Variants in C10orf143 observed in about 807,000 individuals in gnomAD.
The protein encoded by C10orf143 is uncharacterized protein C10orf143.
chr10:130,044,049 G>A (rs1323664313), intron 3 of C10orf143, among the ~76,000 whole-genome samples: 2 of 152,186 alleles, frequency 1.3e-5, no homozygotes, highest in African/African-American at 4.8e-5. Flanking sequence ...GGAAGGGAGA[G>A]GGAGAGAGAG....
At chr10:130,102,363 CTCTGCCTCCAGTGGT>C (rs111511114) in intron 1 of C10orf143, among the ~76,000 whole-genome samples, 6 of 152,304 alleles carry the variant, frequency 3.9e-5, no homozygotes, top group African/African-American at 1.4e-4. Context: ...TCACAGCAAC[CTCTGCCTCCAGTGGT>C]TCTCCCACCT....
intron 3 of C10orf143, among the ~76,000 whole-genome samples, chr10:130,048,647 T>C (rs1280939812): frequency 6.6e-6 from 1 of 152,122 alleles, no homozygotes. Context: ...CTCCAGATAC[T>C]CTGGTGCACC....
chr10:130,064,133 G>C lies in C10orf143; in HGVS notation c.*221C>G. ...GGCTGTAGTACGTAGTAAGGATTTG[G>C]GGGCTCTTTTGAAGTGATGTGGATT... On this transcript the variant is annotated 3_prime_UTR_variant, in exon 4 of 4. Transcript: ENST00000637128. 5.2e-6 allele frequency: 2 copies of C among 381,180 alleles called. No individual in the cohort carries two copies. Among genetic ancestry groups the C allele is most frequent in the Non-Finnish European group, 9.3e-6 (2 of 215,994 alleles). The allele number at this position is 381,180 out of a possible 1,614,324, so 23.6% of individuals were successfully genotyped here.
In C10orf143 at chr10:130,071,243, ATCT is replaced by A. The variant is rs1861028205; in HGVS notation, c.298-6863_298-6861del. The stretch of plus-strand genomic sequence containing the variant: ...TACTAGGGTATACACCTAGGACCAT[ATCT>A]TCTAGCTTACCAGAAATGCCCACCA... On this transcript the variant is annotated intron_variant, in intron 3 of 3. Coordinates refer to ENST00000637128, the MANE Select transcript of C10orf143 (RefSeq NM_001355042.2). 2.0e-5 allele frequency among the ~76,000 whole-genome samples: 3 copies of A among 152,318 alleles called. No individual in the cohort carries two copies. In the South Asian group the frequency reaches 6.2e-4, roughly 32 times the overall value.
At chr10:130,045,517 GC>G (rs1037525489) in intron 3 of C10orf143, among the ~76,000 whole-genome samples, 2 of 152,178 alleles carry the variant, frequency 1.3e-5, no homozygotes, top group African/African-American at 2.4e-5. Flanking sequence ...CCCCCAGGAC[GC>G]CCCCCGCGAG....
chr10:130,080,382 C>T (rs1861186873), intron 1 of C10orf143, among the ~76,000 whole-genome samples: 1 of 152,224 alleles, frequency 6.6e-6, no homozygotes, highest in Non-Finnish European at 1.5e-5. Context: ...CAGTCCATAA[C>T]TGATAACCTT....
intron 1 of C10orf143, among the ~76,000 whole-genome samples, chr10:130,093,116 T>C (rs1051079794): frequency 6.6e-6 from 1 of 152,190 alleles, no homozygotes; most frequent in Non-Finnish European, 1.5e-5. Flanking sequence ...AGAATACACA[T>C]TCTTCTCAGC....
chr10:130,094,222 AG>A (rs1262674562), intron 1 of C10orf143, among the ~76,000 whole-genome samples: 1 of 152,160 alleles, frequency 6.6e-6, no homozygotes. Context: ...TCTGAAATTA[AG>A]GCAGTAATTA....
chr10:130,084,726 C>T (rs1861264106), intron 1 of C10orf143, among the ~76,000 whole-genome samples: 2 of 152,022 alleles, frequency 1.3e-5, no homozygotes, highest in South Asian at 2.1e-4. Context: ...ATCCTAGTAG[C>T]AAGATTACAC....
intron 3 of C10orf143, among the ~76,000 whole-genome samples, chr10:130,043,220 A>G (rs1860627678): frequency 6.6e-6 from 1 of 152,198 alleles, no homozygotes. Flanking sequence ...TCATAACCTA[A>G]GTGTGTTTTC....
intron 3 of C10orf143, among the ~76,000 whole-genome samples, chr10:130,075,431 C>T (rs1163158161): frequency 1.3e-5 from 2 of 152,168 alleles, no homozygotes; most frequent in African/African-American, 2.4e-5. Context: ...AATACAGGCC[C>T]GGAGACCTCT....
rs528507307 is a variant in C10orf143 at position 130,035,972 on chromosome 10, T to G, written c.298-2A>C. On this transcript the variant is annotated splice_acceptor_variant and NMD_transcript_variant, in intron 3 of 5. Coordinates refer to the C10orf143 transcript ENST00000643056. The stretch of plus-strand genomic sequence containing the variant: ...CCTGTCTTCTTGCTGTATCTTCACC[T>G]GGTGGAGAGAGAGGGATAGTGAGCT... 6.6e-5 allele frequency: 10 copies of G among 152,342 alleles called. No homozygotes were observed. In the East Asian group the frequency reaches 1.9e-3, roughly 29 times the overall value. 9.4% of individuals were successfully genotyped at this position (152,342 alleles called of 1,614,324 possible).
chr10:130,090,420 G>A (rs982762452), intron 1 of C10orf143, among the ~76,000 whole-genome samples: 1 of 152,182 alleles, frequency 6.6e-6, no homozygotes, highest in Non-Finnish European at 1.5e-5. Context: ...GCAACCCACA[G>A]ACCAGGAGAT....
Position 130,056,747 on chromosome 10 carries a change from G to C in C10orf143, c.298-20777C>G, listed in dbSNP as rs1334784182. 1.3e-5 allele frequency among the ~76,000 whole-genome samples: 2 copies of C among 151,556 alleles called. No homozygotes were observed. The highest frequency in any genetic ancestry group is 2.9e-5 in the Non-Finnish European group (2 of 67,886). On this transcript the variant is annotated intron_variant and NMD_transcript_variant, in intron 3 of 5. Transcript: ENST00000643056. This position sits in a 1 kb window ranked among gnomAD's most constrained non-coding sequence, Gnocchi z 4.6. ...GCTGGGATTACAGGCACCCACCACCGCACCTGGCTAATTTTTTGTATTTTT... is the reference window on the plus strand; with the variant it reads ...GCTGGGATTACAGGCACCCACCACCCCACCTGGCTAATTTTTTGTATTTTT...
chr10:130,106,175 GTGATATGTGCAGCTGTTGCTGCAT>G, intron 1 of C10orf143: 1 of 879,372 alleles, frequency 1.1e-6, no homozygotes, highest in Non-Finnish European at 1.9e-6. Flanking sequence ...ATGGGAAATG[GTGATATGTGCAGCTGTTGCTGCAT>G]TTTTTGCTGT....
intron 1 of C10orf143, among the ~76,000 whole-genome samples, chr10:130,103,222 C>T (rs1043942052): frequency 1.3e-5 from 2 of 152,162 alleles, no homozygotes; most frequent in African/African-American, 4.8e-5. Context: ...AAGTGATCTG[C>T]CTGCCTTGGC....
chr10:130,071,452 T>C (rs1290850767), intron 3 of C10orf143, among the ~76,000 whole-genome samples: 3 of 152,234 alleles, frequency 2.0e-5, no homozygotes, highest in Non-Finnish European at 4.4e-5. Context: ...TTTCCTCTTC[T>C]CTGAACTGCC....
intron 4 of C10orf143, among the ~76,000 whole-genome samples, chr10:130,035,355 C>G (rs925107266): frequency 6.6e-6 from 1 of 152,148 alleles, no homozygotes; most frequent in African/African-American, 2.4e-5. Flanking sequence ...CCCCAAAGAC[C>G]TCATTTAACC....
chr10:130,086,748 C>A (rs1336086327), intron 1 of C10orf143, among the ~76,000 whole-genome samples: 1 of 152,234 alleles, frequency 6.6e-6, no homozygotes, highest in Non-Finnish European at 1.5e-5. Flanking sequence ...TTCCCTTCCT[C>A]TTTTCTCAAT....
Sources: gnomAD v4.1 joint callset for allele counts (sites outside exome capture counted in the v4.1 genomes callset) on GRCh38, gnomAD v4.1.1 for gene constraint, Gnocchi (gnomAD v3.1) non-coding constraint, MANE v1.5 for transcripts, NCBI Gene and HGNC (gene_info 2026-07-23, HGNC 2026-07-21) for gene names.